The following MAP3K5 variants were observed in gnomAD, a reference collection of about 807,000 sequenced individuals.
MAP3K5 encodes the protein ASK-1.
A neutral mutation model predicts 158.7 loss-of-function variants in MAP3K5; 56 were observed. That is an observed-to-expected ratio of 0.35 (90% CI 0.28 to 0.44). The LOEUF is 0.44. Among genes scored for constraint, MAP3K5 ranks in the 20% least tolerant of loss-of-function variants. The probability of loss-of-function intolerance (pLI) is 1.00; values close to 1 mark genes in which losing one functional copy is unlikely to be tolerated. For missense variants in MAP3K5, 1,294 were observed against 1,674.8 expected (o/e 0.77, Z 3.97); for synonymous variants, 579 against 601.7 (o/e 0.96, Z 0.55).
intron 1 of MAP3K5, among the ~76,000 whole-genome samples, chr6:136,758,060 A>G (rs1290004228): frequency 6.6e-6 from 1 of 152,232 alleles, no homozygotes; most frequent in Non-Finnish European, 1.5e-5. Context: ...ACCAGCACCC[A>G]ATGCACAACT....
At chr6:136,752,596 G>A (rs912862778) in intron 1 of MAP3K5, among the ~76,000 whole-genome samples, 4 of 152,136 alleles carry the variant, frequency 2.6e-5, no homozygotes, top group Non-Finnish European at 5.9e-5. Context: ...ATTTTTAGTA[G>A]AGATGGGGTT....
At chr6:136,661,843 A>G (rs1266949178) in intron 8 of MAP3K5, among the ~76,000 whole-genome samples, 1 of 152,182 alleles carries the variant, frequency 6.6e-6, no homozygotes, top group Non-Finnish European at 1.5e-5. Flanking sequence ...ACCTGACCCA[A>G]TAATAGTTTT....
In MAP3K5 at chr6:136,700,080, G is replaced by GA. The variant is rs577587528; in HGVS notation, c.613-1399dup. 7.2e-5 allele frequency among the ~76,000 whole-genome samples: 11 copies of GA among 151,898 alleles called. No homozygotes were observed. The South Asian group carries it at 2.3e-3, about 32-fold the overall frequency. ...CAGAGCGAGACTCTGTCAGGAGAAC[G>GA]AAAGAATGAACAAATGAAAGAAGGA... On this transcript the variant is annotated intron_variant, in intron 3 of 29. Coordinates refer to ENST00000359015, the MANE Select transcript of MAP3K5 (RefSeq NM_005923.4).
At chr6:136,649,698 C>A (rs1778432904) in intron 11 of MAP3K5, among the ~76,000 whole-genome samples, 1 of 152,166 alleles carries the variant, frequency 6.6e-6, no homozygotes, top group African/African-American at 2.4e-5. Flanking sequence ...GGATTTAGTC[C>A]ACATAATATG....
intron 3 of MAP3K5, 48 bp downstream of exon 3, chr6:136,705,062 G>C (rs1354142374): frequency 2.2e-6 from 2 of 919,610 alleles, no homozygotes; most frequent in Non-Finnish European, 3.3e-6. Flanking sequence ...TTAGTTAATG[G>C]AAAAGAAAAT....
At chr6:136,606,075 G>T (rs903819882) in intron 18 of MAP3K5, among the ~76,000 whole-genome samples, 1 of 152,166 alleles carries the variant, frequency 6.6e-6, no homozygotes, top group East Asian at 1.9e-4. Context: ...AGTGAAGGCC[G>T]GGTGCGGTGG....
At chr6:136,691,803 G>A (rs887121170) in intron 7 of MAP3K5, among the ~76,000 whole-genome samples, 7 of 151,906 alleles carry the variant, frequency 4.6e-5, no homozygotes, top group African/African-American at 1.5e-4. Context: ...TTCAGATATT[G>A]TACTTTTCAG....
At chr6:136,599,169 G>GT (rs1775766144) in intron 21 of MAP3K5, among the ~76,000 whole-genome samples, 1 of 11,444 alleles carries the variant, frequency 8.7e-5, no homozygotes, top group East Asian at 1.3e-3. Context: ...AAAAAAAAAA[G>GT]GGGGGGGGGG....
At chr6:136,725,348 AC>A (rs1322017317) in intron 1 of MAP3K5, among the ~76,000 whole-genome samples, 1 of 152,206 alleles carries the variant, frequency 6.6e-6, no homozygotes, top group Non-Finnish European at 1.5e-5. Flanking sequence ...CAGCTGTCCA[AC>A]ATCTTTGTCA....
chr6:136,720,483 A>C lies in MAP3K5; in HGVS notation c.555T>G (p.Cys185Trp). The part of the protein sequence containing the change: ...FSMANNIILY[C>W]DTNSDSLQSL... ...ACTGCAGAGAGTCCGAGTTAGTATC[A>C]CAGTAGAGGATGATGTTGTTGGCCA... is the stretch of plus-strand genomic sequence containing the variant. The change falls in exon 2 of 30, where the codon TGT becomes TGG. Residue 185 changes from cysteine to tryptophan, a missense_variant. This residue lies in a region of MAP3K5 where 690 missense variants were observed against 870.5 expected (regional missense o/e 0.79). Coordinates refer to ENST00000359015, the MANE Select transcript of MAP3K5 (RefSeq NM_005923.4). 1 of 1,611,804 alleles carries C rather than the reference A, an allele frequency of 6.2e-7. No individual in the cohort carries two copies. Among genetic ancestry groups the C allele is most frequent in the Admixed American group, 1.7e-5 (1 of 59,690 alleles).
chr6:136,592,078 C>T, intron 23 of MAP3K5, 95 bp downstream of exon 23: 2 of 1,197,946 alleles, frequency 1.7e-6, no homozygotes, highest in South Asian at 1.7e-5. Flanking sequence ...ACAGGTTCCT[C>T]TTGCCTTTCA....
intron 7 of MAP3K5, among the ~76,000 whole-genome samples, chr6:136,684,441 G>C (rs188511083): frequency 6.6e-6 from 1 of 151,996 alleles, no homozygotes; most frequent in Non-Finnish European, 1.5e-5. Flanking sequence ...ACCATTTCAT[G>C]GTTATTTCTT....
chr6:136,672,857 G>A (rs1779541521), intron 7 of MAP3K5, among the ~76,000 whole-genome samples: 1 of 151,886 alleles, frequency 6.6e-6, no homozygotes, highest in African/African-American at 2.4e-5. Context: ...AGGCATGGTG[G>A]TGTGTGCCCG....
At chr6:136,752,466 C>G (rs1266023732) in intron 1 of MAP3K5, among the ~76,000 whole-genome samples, 1 of 152,170 alleles carries the variant, frequency 6.6e-6, no homozygotes, top group African/African-American at 2.4e-5. Context: ...GGCTGGAGTG[C>G]AATGGCGTGA....
At chr6:136,617,847 C>A (rs1041623566) in intron 15 of MAP3K5, among the ~76,000 whole-genome samples, 15 of 152,112 alleles carry the variant, frequency 9.9e-5, no homozygotes, top group Non-Finnish European at 2.1e-4. Flanking sequence ...GCAGGAGAAT[C>A]ACTTGAACCC....
chr6:136,767,767 C>T (rs1336220763), intron 1 of MAP3K5, among the ~76,000 whole-genome samples: 1 of 152,186 alleles, frequency 6.6e-6, no homozygotes, highest in African/African-American at 2.4e-5. Context: ...GGAGGCCTCA[C>T]ACTTCCTGAT....
chr6:136,588,385 A>G (rs1775231445), intron 23 of MAP3K5, among the ~76,000 whole-genome samples: 1 of 152,220 alleles, frequency 6.6e-6, no homozygotes, highest in Non-Finnish European at 1.5e-5. Context: ...GAGGATGCTA[A>G]TAGAACTATT....
At chr6:136,709,802 T>C (rs567915557) in intron 2 of MAP3K5, among the ~76,000 whole-genome samples, 1 of 152,294 alleles carries the variant, frequency 6.6e-6, no homozygotes, top group African/African-American at 2.4e-5. Flanking sequence ...GATGATGGTG[T>C]GCACCTGTAA....
chr6:136,761,834 C>G (rs1783772641), intron 1 of MAP3K5, among the ~76,000 whole-genome samples: 1 of 152,130 alleles, frequency 6.6e-6, no homozygotes, highest in African/African-American at 2.4e-5. Context: ...ACTACTCCGA[C>G]AGCACAGAGA....
Sources: gnomAD v4.1 joint callset for allele counts (sites outside exome capture counted in the v4.1 genomes callset) on GRCh38, gnomAD v4.1.1 for gene constraint, gnomAD v4.1.1 regional missense constraint, MANE v1.5 for transcripts, NCBI Gene and HGNC (gene_info 2026-07-23, HGNC 2026-07-21) for gene names.